Variants in NGF observed in about 807,000 individuals in gnomAD.
NGF encodes nerve growth factor.
Under a neutral mutation model 12.8 loss-of-function variants are expected in NGF, and 4 were observed. That is an observed-to-expected ratio of 0.31 (90% CI 0.15 to 0.72). The LOEUF is 0.72. Ranked by LOEUF, NGF falls within the 30% of genes least tolerant of loss-of-function variation. The pLI, the probability that NGF is intolerant of heterozygous loss-of-function variation, is 0.69. For missense variants in NGF, 283 were observed against 330.8 expected, an observed-to-expected ratio of 0.86 and a Z score of 1.12; for synonymous variants, 140 against 130.0, an observed-to-expected ratio of 1.08 and a Z score of -0.52.
chr1:115,308,091 A>C (rs1229744927), intron 1 of NGF, among the ~76,000 whole-genome samples: 1 of 152,226 alleles, frequency 6.6e-6, no homozygotes, highest in Non-Finnish European at 1.5e-5. Context: ...CCCCAAACCA[A>C]ATACAGAGAT....
intron 1 of NGF, among the ~76,000 whole-genome samples, chr1:115,308,136 G>A (rs1162764235): frequency 1.3e-5 from 2 of 152,236 alleles, no homozygotes; most frequent in Non-Finnish European, 2.9e-5. Flanking sequence ...CATTGAGTTT[G>A]CATCATTGCT....
chr1:115,332,467 G>T (rs1571099880), intron 1 of NGF, among the ~76,000 whole-genome samples: 2 of 152,052 alleles, frequency 1.3e-5, no homozygotes, highest in Non-Finnish European at 1.5e-5. Flanking sequence ...AGCTATATAT[G>T]CACAGATACA....
intron 1 of NGF, among the ~76,000 whole-genome samples, chr1:115,332,462 T>C (rs1654947820): frequency 6.6e-6 from 1 of 152,118 alleles, no homozygotes; most frequent in Admixed American, 6.5e-5. Context: ...AGAAAAGCTA[T>C]ATATGCACAG....
chr1:115,292,055 G>A (rs1018588124), intron 2 of NGF, among the ~76,000 whole-genome samples: 1 of 152,110 alleles, frequency 6.6e-6, no homozygotes, highest in Non-Finnish European at 1.5e-5. Context: ...AGTGGGCCAA[G>A]GGTCATTTCT....
chr1:115,312,893 T>C (rs1654372524), intron 1 of NGF, among the ~76,000 whole-genome samples: 1 of 152,204 alleles, frequency 6.6e-6, no homozygotes, highest in Admixed American at 6.5e-5. Flanking sequence ...TCCACATGCA[T>C]TGGGAATCTC....
intron 1 of NGF, among the ~76,000 whole-genome samples, chr1:115,303,884 G>T (rs1011007921): frequency 1.3e-5 from 2 of 152,136 alleles, no homozygotes; most frequent in African/African-American, 4.8e-5. Context: ...GAATTGTGTA[G>T]GTCCATATAA....
intron 1 of NGF, among the ~76,000 whole-genome samples, chr1:115,297,964 G>A (rs2101030012): frequency 6.6e-6 from 1 of 152,348 alleles, no homozygotes; most frequent in Admixed American, 6.5e-5. Flanking sequence ...GGTGCACAGG[G>A]TGAATGGGAA....
chr1:115,300,242 T>A (rs1261589951), intron 1 of NGF, among the ~76,000 whole-genome samples: 2 of 152,276 alleles, frequency 1.3e-5, no homozygotes, highest in Middle Eastern at 3.4e-3. Flanking sequence ...TAAGGATTCA[T>A]AGCCCTGAAA....
chr1:115,337,688 C>T (rs1468918469), intron 1 of NGF, among the ~76,000 whole-genome samples: 2 of 152,066 alleles, frequency 1.3e-5, no homozygotes, highest in East Asian at 3.9e-4. Context: ...GTCTAGCGCG[C>T]CCCGTTCCGC....
At chr1:115,295,116 A>G (rs1332488701) in intron 1 of NGF, among the ~76,000 whole-genome samples, 1 of 151,896 alleles carries the variant, frequency 6.6e-6, no homozygotes, top group East Asian at 1.9e-4. Flanking sequence ...TCTTCATCCA[A>G]CTCCCTCTCA....
chr1:115,327,003 G>A (rs1417566363), intron 1 of NGF, among the ~76,000 whole-genome samples: 1 of 152,160 alleles, frequency 6.6e-6, no homozygotes, highest in African/African-American at 2.4e-5. Flanking sequence ...TCTGAATCAG[G>A]AATAAATTCC....
intron 1 of NGF, among the ~76,000 whole-genome samples, chr1:115,312,809 G>C (rs1319309781): frequency 6.6e-6 from 1 of 152,174 alleles, no homozygotes; most frequent in African/African-American, 2.4e-5. Context: ...AAAGGGGTTA[G>C]TAAAAAGAAG....
At position 115,286,480 on chromosome 1, in the gene NGF, C is replaced by T. The variant is rs755580704; in HGVS notation, c.316G>A (p.Glu106Lys). 10 of 1,613,984 alleles carry T rather than the reference C, an allele frequency of 6.2e-6. No homozygotes were observed. The highest frequency in any genetic ancestry group is 1.1e-5 in the South Asian group (1 of 91,068). Residue 106 changes from glutamate (E) to lysine (K), a missense_variant, in exon 3 of 3, where the codon GAG becomes AAG. By Grantham distance (56) the Glu-to-Lys change is moderately conservative (BLOSUM62 1). Coordinates refer to ENST00000369512, the MANE Select transcript of NGF (RefSeq NM_002506.3). ...TTGAAGGGGGCAGCACCACCGACCT[C>T]GAAGTCCAGATCCTGAGTGTCTGCA... ...EAADTQDLDF[E>K]VGGAAPFNRT... is the part of the protein sequence containing the mutation.
chr1:115,312,498 A>C (rs1357626077), intron 1 of NGF, among the ~76,000 whole-genome samples: 1 of 152,212 alleles, frequency 6.6e-6, no homozygotes, highest in Non-Finnish European at 1.5e-5. Context: ...TTGGGATATA[A>C]ATTTTGCTGT....
chr1:115,290,871 C>T (rs1487298083), intron 2 of NGF, among the ~76,000 whole-genome samples: 1 of 152,202 alleles, frequency 6.6e-6, no homozygotes, highest in Non-Finnish European at 1.5e-5. Flanking sequence ...AGTATGTAGA[C>T]AAGTCTCCTG....
chr1:115,303,223 C>G (rs1364870174), intron 1 of NGF, among the ~76,000 whole-genome samples: 1 of 152,124 alleles, frequency 6.6e-6, no homozygotes. Flanking sequence ...GGGCAGAGAC[C>G]AGTACCAATG....
rs543926680 is a variant in NGF at position 115,286,948 on chromosome 1, G to T, written c.-12-141C>A. ...ACCGGGGCACTTCTGAGAGGGAAAG[G>T]GTGTGCTAGCAATGGTTATACCGGG... On this transcript the variant is annotated intron_variant, in intron 2 of 2. Coordinates refer to ENST00000369512, the MANE Select transcript of NGF (RefSeq NM_002506.3). The T allele has an allele frequency of 5.3e-4, 557 of 1,057,822 alleles. 9 individuals are homozygous for T. The South Asian group carries it at 7.0e-3, about 13-fold the overall frequency. The allele number at this position is 1,057,822 out of a possible 1,614,324, so 65.5% of individuals were successfully genotyped here. A position where few individuals can be genotyped will look rare whatever the true frequency, so the allele number is the denominator to read the frequency against.
At chr1:115,301,435 T>G (rs932828705) in intron 1 of NGF, among the ~76,000 whole-genome samples, 1 of 152,232 alleles carries the variant, frequency 6.6e-6, no homozygotes, top group African/African-American at 2.4e-5. Context: ...TGGCATCTAG[T>G]TGGTGCTACA....
At chr1:115,293,314 A>G (rs1427903465) in intron 2 of NGF, among the ~76,000 whole-genome samples, 1 of 152,178 alleles carries the variant, frequency 6.6e-6, no homozygotes, top group Non-Finnish European at 1.5e-5. Context: ...CAGTCGGACC[A>G]GAGAGTTGTG....
Sources: allele counts gnomAD v4.1 joint callset (sites outside exome capture counted in the v4.1 genomes callset), GRCh38; gene constraint gnomAD v4.1.1; transcripts MANE v1.5; gene names NCBI Gene and HGNC (gene_info 2026-07-23, HGNC 2026-07-21).